Variants in IMPA2 observed in about 807,000 individuals in gnomAD.
IMPA2 encodes IMP 2.
A neutral mutation model predicts 35.1 loss-of-function variants in IMPA2; 32 were observed. That is an observed-to-expected ratio of 0.91 (90% CI 0.69 to 1.23). The LOEUF (loss-of-function observed/expected upper bound fraction) is 1.23, where lower values mean the gene tolerates loss of function less well. Among genes scored for constraint, IMPA2 ranks in the 50% most tolerant of loss-of-function variants. IMPA2 has a pLI of 0.00. For synonymous variants in IMPA2, 135 were observed against 160.6 expected (o/e 0.84, Z 1.20); for missense variants, 334 against 387.6 (o/e 0.86, Z 1.16).
rs761001457 is a variant in IMPA2 at position 12,014,340 on chromosome 18, A to C, written c.457A>C (p.Asn153His). The C allele has an allele frequency of 5.0e-6, 8 of 1,606,950 alleles. No homozygotes were observed. The highest frequency in any genetic ancestry group is 1.3e-5 in the African/African-American group (1 of 74,552). Residue 153 changes from asparagine (N) to histidine (H), a missense_variant, in exon 5 of 8, where the codon AAT becomes CAT. Transcript: ENST00000269159. ...TGRRGRGAFC[N>H]GQRLRVSGET... is the part of the protein sequence containing the mutation. ...CCGGCGGGGTCGGGGCGCCTTCTGC[A>C]ATGGCCAGCGGCTCCGGGTCTCCGG...
At chr18:11,999,712 C>A (rs1907064536) in intron 2 of IMPA2, among the ~76,000 whole-genome samples, 1 of 152,282 alleles carries the variant, frequency 6.6e-6, no homozygotes, top group Non-Finnish European at 1.5e-5. Flanking sequence ...ATGGCTGCCA[C>A]AGCCGGGCCC....
chr18:12,017,634 G>A, intron 5 of IMPA2: 1 of 419,290 alleles, frequency 2.4e-6, no homozygotes, highest in Non-Finnish European at 4.7e-6. Flanking sequence ...TGTCACCCAG[G>A]CTGGAGTGCG....
Position 12,010,610 on chromosome 18 carries a change from G to T in IMPA2, c.335+623G>T, listed in dbSNP as rs748783972. 6.6e-6 allele frequency among the ~76,000 whole-genome samples: 1 copy of T among 152,168 alleles called. No individual in the cohort carries two copies. The highest frequency in any genetic ancestry group is 1.5e-5 in the Non-Finnish European group (1 of 68,016). ...TGTCTACACGCACAGGTGGCTGGGG[G>T]CCTGGGGCACAGAGCATGATGTGGC... On this transcript the variant is annotated intron_variant, in intron 3 of 7. Coordinates refer to ENST00000269159, the MANE Select transcript of IMPA2 (RefSeq NM_014214.3). The surrounding 1 kb of genome is among the most constrained non-coding windows in gnomAD (Gnocchi z 4.8).
At chr18:11,984,538 C>T (rs1437937063) in intron 1 of IMPA2, among the ~76,000 whole-genome samples, 4 of 152,224 alleles carry the variant, frequency 2.6e-5, no homozygotes, top group African/African-American at 4.8e-5. Flanking sequence ...AGGGGGCCCT[C>T]TTTAAGAAAA....
intron 1 of IMPA2, among the ~76,000 whole-genome samples, chr18:11,984,289 T>C (rs942963940): frequency 3.9e-5 from 6 of 152,186 alleles, no homozygotes; most frequent in Admixed American, 6.5e-5. Flanking sequence ...GTGGGGATCA[T>C]CCCTGCCCTC....
intron 5 of IMPA2, chr18:12,017,745 C>T (rs1176829997): frequency 6.0e-6 from 2 of 332,344 alleles, no homozygotes; most frequent in African/African-American, 2.3e-5. Context: ...TGCGCCACCA[C>T]ATCTGGCTAA....
intron 1 of IMPA2, among the ~76,000 whole-genome samples, chr18:11,982,247 A>G (rs1301905800): frequency 6.6e-6 from 1 of 152,194 alleles, no homozygotes; most frequent in Non-Finnish European, 1.5e-5. Flanking sequence ...CGCGACGGCC[A>G]CGGACTCAGA....
chr18:12,011,696 TG>T (rs2143806730), intron 3 of IMPA2, among the ~76,000 whole-genome samples: 1 of 152,358 alleles, frequency 6.6e-6, no homozygotes, highest in Non-Finnish European at 1.5e-5. Flanking sequence ...TCCCTGCAGC[TG>T]GCTACTGGGC....
chr18:12,005,705 T>C (rs1386823692), intron 2 of IMPA2, among the ~76,000 whole-genome samples: 1 of 152,102 alleles, frequency 6.6e-6, no homozygotes, highest in East Asian at 1.9e-4. Flanking sequence ...TGCTCCCGAG[T>C]GTCCTGGGAG....
intron 1 of IMPA2, among the ~76,000 whole-genome samples, chr18:11,985,147 C>CAA (rs60194371): frequency 5.5e-3 from 423 of 77,606 alleles, no homozygotes; most frequent in Middle Eastern, 0.014. Context: ...AACTCTGTCT[C>CAA]AAAAAAAAAA....
intron 6 of IMPA2, 172 bp downstream of exon 6, chr18:12,028,323 C>T: frequency 1.7e-6 from 1 of 591,988 alleles, no homozygotes; most frequent in Non-Finnish European, 3.0e-6. Flanking sequence ...GCAGTAGATA[C>T]TCCTATAGCC....
intron 1 of IMPA2, among the ~76,000 whole-genome samples, chr18:11,989,267 T>TG (rs1906745244): frequency 6.6e-6 from 1 of 152,166 alleles, no homozygotes; most frequent in African/African-American, 2.4e-5. Flanking sequence ...AAGGCTTCCC[T>TG]GCTCTTCCTG....
At chr18:12,016,377 C>T (rs1056544560) in intron 5 of IMPA2, among the ~76,000 whole-genome samples, 22 of 151,014 alleles carry the variant, frequency 1.5e-4, no homozygotes, top group African/African-American at 4.4e-4. Context: ...TTCAGCAGCA[C>T]GGTCTCTTGG....
rs35186161 is a variant in IMPA2, at chr18:12,017,945, G to GT, written c.490+3583dup. The GT allele has an allele frequency of 1.5e-3, 237 of 152,998 alleles. 1 individual carries two copies. The highest frequency in any genetic ancestry group is 8.4e-3 in the South Asian group (68 of 8,086). 9.5% of individuals were successfully genotyped at this position (152,998 alleles called of 1,614,324 possible). ...AGTTATACTGGGTTTTTTTTTTTCT[G>GT]TTTTTTTTTTTCTGAGATGGAGTTT... On this transcript the variant is annotated intron_variant, in intron 5 of 7. Transcript: ENST00000269159.
chr18:11,981,678 G>C lies in IMPA2; in HGVS notation c.9G>C (p.Pro3=), dbSNP rs963184125. The change falls in exon 1 of 8, where the codon CCG becomes CCC. Residue 3 remains proline, a synonymous_variant. Coordinates refer to ENST00000269159, the MANE Select transcript of IMPA2 (RefSeq NM_014214.3). MK[P]SGEDQAALAA... ...GGCCCGGCGAGGCCGCGATGAAGCC[G>C]AGCGGCGAGGACCAGGCGGCGCTGG... The C allele has an allele frequency of 5.7e-6, 7 of 1,230,324 alleles. No homozygotes were observed. In the African/African-American group the frequency reaches 9.3e-5, roughly 16 times the overall value. The allele number at this position is 1,230,324 out of a possible 1,614,324, so 76.2% of individuals were successfully genotyped here. A position where few individuals can be genotyped will look rare whatever the true frequency, so the allele number is the denominator to read the frequency against.
intron 6 of IMPA2, chr18:12,028,414 A>G: frequency 2.0e-6 from 1 of 503,404 alleles, no homozygotes; most frequent in South Asian, 3.2e-5. Context: ...CAACCAGCGA[A>G]TGGTGCAAAT....
chr18:11,990,634 C>T (rs1016665193), intron 1 of IMPA2, among the ~76,000 whole-genome samples: 1 of 152,072 alleles, frequency 6.6e-6, no homozygotes, highest in Non-Finnish European at 1.5e-5. Flanking sequence ...CTTGATGAGT[C>T]GTACATTGAA....
chr18:12,007,682 T>C (rs1004927114), intron 2 of IMPA2, among the ~76,000 whole-genome samples: 5 of 149,610 alleles, frequency 3.3e-5, no homozygotes, highest in Non-Finnish European at 7.4e-5. Context: ...TTTCTTTCCT[T>C]TCTTTCCTTT....
At chr18:11,982,924 A>G (rs1906548597) in intron 1 of IMPA2, among the ~76,000 whole-genome samples, 1 of 152,140 alleles carries the variant, frequency 6.6e-6, no homozygotes, top group Non-Finnish European at 1.5e-5. Flanking sequence ...ATGCTCTACC[A>G]GTTTCCCTAG....
Sources: gnomAD v4.1 joint callset for allele counts (sites outside exome capture counted in the v4.1 genomes callset) on GRCh38, gnomAD v4.1.1 for gene constraint, Gnocchi (gnomAD v3.1) non-coding constraint, MANE v1.5 for transcripts, NCBI Gene and HGNC (gene_info 2026-07-23, HGNC 2026-07-21) for gene names.